CHODL: variants seen among roughly 807,000 people sequenced by gnomAD.
The protein encoded by CHODL is transmembrane protein MT75.
CHODL carries 29 observed loss-of-function variants against 34.5 expected under a neutral mutation model. The ratio of observed to expected loss-of-function variants is 0.84; its 90% CI spans 0.63 to 1.15. CHODL has a LOEUF of 1.15. Among genes scored for constraint, CHODL ranks in the 50% most tolerant of loss-of-function variants. The pLI, the probability that CHODL is intolerant of heterozygous loss-of-function variation, is 0.00. For missense variants in CHODL, 332 were observed against 332.5 expected, an observed-to-expected ratio of 1.00 and a Z score of 0.01; for synonymous variants, 125 against 116.1, an observed-to-expected ratio of 1.08 and a Z score of -0.49.
At chr21:18,199,513 T>G (rs1758629614) in intron 2 of CHODL, among the ~76,000 whole-genome samples, 1 of 152,104 alleles carries the variant, frequency 6.6e-6, no homozygotes, top group Admixed American at 6.5e-5. Flanking sequence ...ATGTCAGGAT[T>G]CACTCTGTAT....
chr21:17,938,495 A>T (rs1418805430), intron 1 of CHODL, among the ~76,000 whole-genome samples: 2,297 of 4,088 alleles, frequency 0.56, 720 homozygotes, highest in African/African-American at 0.62. Context: ...TTTTTTTTTA[A>T]GGAAAGGGAG....
chr21:18,227,612 G>T (rs2073942329), intron 2 of CHODL, among the ~76,000 whole-genome samples: 1 of 152,092 alleles, frequency 6.6e-6, no homozygotes, highest in African/African-American at 2.4e-5. Context: ...GCCTCTTCCA[G>T]TTACCATCTA....
Position 18,256,652 on chromosome 21 carries a change from GCAGAA to G in CHODL, c.229_233del (p.Gln77ValfsTer18). On this transcript the variant is annotated frameshift_variant, in exon 2 of 6. Transcript: ENST00000299295. LOFTEE classifies it high-confidence loss of function. ...AGTCCTCCTCAGCCTTGAGAATGAA[GCAGAA>G]CAGAAGTTAATAGAGAGCATGTTGC... 6.2e-7 allele frequency: 1 copy of G among 1,614,094 alleles called. No homozygotes were observed. Among genetic ancestry groups the G allele is most frequent in the South Asian group, 1.1e-5 (1 of 91,080 alleles).
At chr21:18,075,301 T>C (rs553656435) in intron 2 of CHODL, among the ~76,000 whole-genome samples, 1 of 152,330 alleles carries the variant, frequency 6.6e-6, no homozygotes, top group East Asian at 1.9e-4. Flanking sequence ...CCAATATTCA[T>C]GTCTGTGGTT....
At chr21:18,232,942 G>GTATATAT (rs2073994388) in intron 2 of CHODL, among the ~76,000 whole-genome samples, 1 of 119,424 alleles carries the variant, frequency 8.4e-6, no homozygotes, top group African/African-American at 3.7e-5. Context: ...ATGATGTTAT[G>GTATATAT]ATATATATAT....
chr21:18,063,297 G>A (rs1008337392), intron 2 of CHODL, among the ~76,000 whole-genome samples: 1 of 152,174 alleles, frequency 6.6e-6, no homozygotes, highest in Non-Finnish European at 1.5e-5. Context: ...ATGCTGGAAG[G>A]TTGTGTCAAT....
At chr21:17,953,236 A>G (rs1439797144) in intron 1 of CHODL, among the ~76,000 whole-genome samples, 1 of 152,234 alleles carries the variant, frequency 6.6e-6, no homozygotes, top group Non-Finnish European at 1.5e-5. Context: ...CTCAAAGCAG[A>G]CTGTAATAAG....
chr21:18,167,593 GCCACCGTGC>G (rs1012333586), intron 2 of CHODL, among the ~76,000 whole-genome samples: 46 of 152,162 alleles, frequency 3.0e-4, no homozygotes, highest in Non-Finnish European at 2.2e-4. Flanking sequence ...ACAGGCGTGA[GCCACCGTGC>G]CCGGCCTTTA....
chr21:18,054,903 G>C (rs1333492976), intron 2 of CHODL, among the ~76,000 whole-genome samples: 1 of 151,886 alleles, frequency 6.6e-6, no homozygotes, highest in Non-Finnish European at 1.5e-5. Context: ...AACGAATTAG[G>C]CAACAAGCCT....
rs1375446349 is a variant in CHODL, at chr21:18,182,784, T to TA, written c.-44-73718dup. Among the ~76,000 whole-genome samples, 5 of 152,250 alleles carry TA rather than the reference T, an allele frequency of 3.3e-5. No individual in the cohort carries two copies. In the East Asian group the frequency reaches 7.7e-4, roughly 24 times the overall value. On this transcript the variant is annotated intron_variant, in intron 2 of 6. Transcript: ENST00000400127. ...CTAGAACTACTTTATTCTTATTTTT[T>TA]AAAAAAATACAAGGTGCAAAAAAAA...
intron 2 of CHODL, among the ~76,000 whole-genome samples, chr21:18,182,583 C>T (rs78040418): frequency 0.018 from 2,801 of 152,218 alleles, 72 homozygotes; most frequent in African/African-American, 0.057. Context: ...TTAAAACACA[C>T]TTTGCTTTTT....
intron 2 of CHODL, among the ~76,000 whole-genome samples, chr21:18,237,284 A>G (rs1196913165): frequency 5.3e-5 from 8 of 152,136 alleles, no homozygotes; most frequent in Non-Finnish European, 8.8e-5. Flanking sequence ...AGGAATATAC[A>G]TCTGAATTTT....
intron 2 of CHODL, among the ~76,000 whole-genome samples, chr21:18,232,230 A>G (rs28667141): frequency 0.35 from 53,926 of 151,972 alleles, 12,012 homozygotes; most frequent in African/African-American, 0.64. Context: ...TAAAATCATC[A>G]TTTTCGATGT....
At chr21:18,051,490 A>G (rs113846277) in intron 2 of CHODL, among the ~76,000 whole-genome samples, 1 of 149,194 alleles carries the variant, frequency 6.7e-6, no homozygotes, top group East Asian at 2.0e-4. Flanking sequence ...TTGTGTTCCT[A>G]TCTCATTTGC....
At chr21:17,949,281 T>A (rs1271944644) in intron 1 of CHODL, among the ~76,000 whole-genome samples, 2 of 152,158 alleles carry the variant, frequency 1.3e-5, no homozygotes, top group Non-Finnish European at 2.9e-5. Flanking sequence ...CAGATTAAAT[T>A]GTCTGAGTGA....
intron 1 of CHODL, among the ~76,000 whole-genome samples, chr21:18,014,332 A>G (rs1215989679): frequency 6.6e-6 from 1 of 152,250 alleles, no homozygotes; most frequent in Admixed American, 6.5e-5. Context: ...TCACAGCAAC[A>G]TGGATGAAGC....
At chr21:18,174,677 C>G (rs1027807693) in intron 2 of CHODL, among the ~76,000 whole-genome samples, 1 of 152,110 alleles carries the variant, frequency 6.6e-6, no homozygotes, top group Non-Finnish European at 1.5e-5. Context: ...GAAAGTTCCA[C>G]TTGAATCAAT....
At chr21:18,005,803 G>A (rs2063954945) in intron 1 of CHODL, among the ~76,000 whole-genome samples, 1 of 152,104 alleles carries the variant, frequency 6.6e-6, no homozygotes, top group African/African-American at 2.4e-5. Context: ...GACACATGGG[G>A]GGAAACAGCA....
intron 2 of CHODL, among the ~76,000 whole-genome samples, chr21:18,030,566 A>G (rs1171892231): frequency 6.6e-6 from 1 of 152,180 alleles, no homozygotes; most frequent in Admixed American, 6.5e-5. Context: ...GAAATACATA[A>G]GTAATTAAAT....
Sources: allele counts gnomAD v4.1 joint callset (sites outside exome capture counted in the v4.1 genomes callset), GRCh38; gene constraint gnomAD v4.1.1; transcripts MANE v1.5; gene names NCBI Gene and HGNC (gene_info 2026-07-23, HGNC 2026-07-21).